Variants in PNPLA8 observed in about 807,000 individuals in gnomAD.
The protein encoded by PNPLA8 is patatin like domain 8, phospholipase A2, also known as calcium-independent phospholipase A2-gamma.
In PNPLA8, 39 loss-of-function variants were observed where a neutral mutation model predicts 76.9. That is an observed-to-expected ratio of 0.51 (90% CI 0.39 to 0.66). The LOEUF (loss-of-function observed/expected upper bound fraction) is 0.66. Among genes scored for constraint, PNPLA8 ranks in the 30% least tolerant of loss-of-function variants. PNPLA8 has a pLI of 0.00. For missense variants in PNPLA8, 887 were observed against 918.0 expected (o/e 0.97, Z 0.44); for synonymous variants, 301 against 307.9 (o/e 0.98, Z 0.24).
rs370065636 is a variant in PNPLA8 at position 108,514,231 on chromosome 7, T to C, written c.1119A>G (p.Thr373=). Residue 373 remains threonine (T), a synonymous_variant, in exon 4 of 11, where the codon ACA becomes ACG. Transcript: ENST00000257694. ...TAGTAATGCAGAGCTTTGGGTCAGT[T>C]GTTCTTCTTAATGCCTGAACTAATG... ...TRALVQALRR[T]TDPKLCITRV... is the part of the protein sequence containing the mutation. 2.4e-5 allele frequency: 39 copies of C among 1,610,528 alleles called. No homozygotes were observed. The highest frequency in any genetic ancestry group is 3.2e-5 in the Non-Finnish European group (38 of 1,176,818).
At chr7:108,474,568 C>T (rs1158521611) in intron 10 of PNPLA8, among the ~76,000 whole-genome samples, 1 of 152,150 alleles carries the variant, frequency 6.6e-6, no homozygotes, top group Non-Finnish European at 1.5e-5. Flanking sequence ...TGTATTTCTG[C>T]ATATTAGCCA....
chr7:108,501,601 T>C (rs1383889794), intron 5 of PNPLA8, among the ~76,000 whole-genome samples: 2 of 152,120 alleles, frequency 1.3e-5, no homozygotes, highest in African/African-American at 4.8e-5. Flanking sequence ...GGCAGGTGGT[T>C]TACCTGAGGT....
chr7:108,505,300 T>A (rs1403979617), intron 4 of PNPLA8, among the ~76,000 whole-genome samples: 1 of 27,584 alleles, frequency 3.6e-5, no homozygotes, highest in Non-Finnish European at 5.7e-5. Flanking sequence ...ACAAGAAAAT[T>A]TATATATATA....
intron 8 of PNPLA8, 154 bp downstream of exon 8, chr7:108,491,256 G>A (rs762585979): frequency 1.8e-6 from 1 of 552,372 alleles, no homozygotes. Flanking sequence ...ATGGTGAGCC[G>A]AGATCGTGCT....
chr7:108,519,297 G>A (rs1473073438), intron 2 of PNPLA8, among the ~76,000 whole-genome samples: 1 of 152,120 alleles, frequency 6.6e-6, no homozygotes, highest in Non-Finnish European at 1.5e-5. Flanking sequence ...CTACTCAGGA[G>A]GCTGAGGTGG....
At chr7:108,488,300 C>T (rs1482768289) in intron 8 of PNPLA8, among the ~76,000 whole-genome samples, 1 of 152,222 alleles carries the variant, frequency 6.6e-6, no homozygotes, top group African/African-American at 2.4e-5. Flanking sequence ...TGCTTAAAGG[C>T]TGGGCACAGT....
chr7:108,496,582 A>G lies in PNPLA8; in HGVS notation c.1625+2T>C. 3 of 1,582,758 alleles carry G rather than the reference A, an allele frequency of 1.9e-6. No homozygotes were observed. The highest frequency in any genetic ancestry group is 2.6e-6 in the Non-Finnish European group (3 of 1,163,868). ...GATTTAAAAAGAGTAATTGTAACTTACTTAAGAATGTTTTCCCATGTTTGA... is the reference window on the plus strand; with the variant it reads ...GATTTAAAAAGAGTAATTGTAACTTGCTTAAGAATGTTTTCCCATGTTTGA... On this transcript the variant is annotated splice_donor_variant, in intron 7 of 10. Coordinates refer to ENST00000257694, the MANE Select transcript of PNPLA8 (RefSeq NM_001256007.3). LOFTEE classifies it high-confidence loss of function.
intron 10 of PNPLA8, among the ~76,000 whole-genome samples, chr7:108,476,362 T>A (rs1225201708): frequency 6.6e-6 from 1 of 152,152 alleles, no homozygotes; most frequent in African/African-American, 2.4e-5. Flanking sequence ...CTAAAGCCAC[T>A]TGTCTCAGCA....
chr7:108,521,731 G>A (rs992994911), intron 1 of PNPLA8, among the ~76,000 whole-genome samples: 1 of 152,072 alleles, frequency 6.6e-6, no homozygotes, highest in African/African-American at 2.4e-5. Flanking sequence ...TCTAGTCAGA[G>A]AGAAAAAACA....
chr7:108,475,447 C>A (rs1859920623), intron 10 of PNPLA8, among the ~76,000 whole-genome samples: 1 of 152,060 alleles, frequency 6.6e-6, no homozygotes, highest in Non-Finnish European at 1.5e-5. Context: ...GCTTGTTAAT[C>A]TCTATCCCTC....
At chr7:108,521,954 A>T (rs1032785397) in intron 1 of PNPLA8, among the ~76,000 whole-genome samples, 1 of 152,130 alleles carries the variant, frequency 6.6e-6, no homozygotes, top group Non-Finnish European at 1.5e-5. Context: ...GATGTGCCTC[A>T]TTATACCCCT....
rs1353617764 is a variant in PNPLA8 at position 108,504,859 on chromosome 7, CTG to C, written c.1207-2219_1207-2218del. On this transcript the variant is annotated intron_variant, in intron 4 of 10. Transcript: ENST00000257694. ...TGGGAAGCCGAGGTGGGTGGATCAC[CTG>C]AGGTTGGGAGTTCGAGACCAGCCTG... 9.6e-3 allele frequency among the ~76,000 whole-genome samples: 1,461 copies of C among 152,118 alleles called. 29 individuals are homozygous for C. The highest frequency in any genetic ancestry group is 0.034 in the African/African-American group (1,393 of 41,502).
chr7:108,502,884 G>A (rs1273335170), intron 4 of PNPLA8: 2 of 297,828 alleles, frequency 6.7e-6, no homozygotes, highest in Admixed American at 5.0e-5. Context: ...ATTAAAAGAT[G>A]TAATACTTAA....
chr7:108,515,276 G>GT lies in PNPLA8; in HGVS notation c.215dup (p.Tyr72Ter). The GT allele has an allele frequency of 6.2e-7, 1 of 1,608,174 alleles. No individual in the cohort carries two copies. Among genetic ancestry groups the GT allele is most frequent in the Non-Finnish European group, 8.5e-7 (1 of 1,177,136 alleles). The change falls in exon 3 of 11, where the codon TAC (tyrosine) becomes TAAC (stop). Residue 72 changes from tyrosine (Y) to a stop codon, truncating the protein, a stop_gained and frameshift_variant. Transcript: ENST00000257694. LOFTEE classifies it high-confidence loss of function. ...SEAHSCSKHC[Y>*]SPSNHGLHIG... ...TATGTAAACCATGGTTGCTTGGAGA[G>GT]TAACAGTGCTTACTGCAAGAATGTG...
chr7:108,527,573 G>T (rs963342030), upstream of PNPLA8: 1 of 152,164 alleles, frequency 6.6e-6, no homozygotes, highest in Non-Finnish European at 1.5e-5. Context: ...ATCACCATGG[G>T]GGAGAGAGAT....
intron 4 of PNPLA8, chr7:108,510,572 C>T (rs878913124): frequency 2.7e-5 from 40 of 1,476,752 alleles, no homozygotes; most frequent in African/African-American, 1.8e-4. Flanking sequence ...TCTTCGCCTT[C>T]GTCAAATCTA....
intron 2 of PNPLA8, among the ~76,000 whole-genome samples, chr7:108,515,926 T>A (rs1226777208): frequency 6.6e-6 from 1 of 152,246 alleles, no homozygotes; most frequent in Non-Finnish European, 1.5e-5. Flanking sequence ...GACTACTTTA[T>A]GTGACACTAG....
At chr7:108,476,433 T>G (rs569101960) in intron 10 of PNPLA8, among the ~76,000 whole-genome samples, 6 of 152,144 alleles carry the variant, frequency 3.9e-5, no homozygotes, top group Non-Finnish European at 8.8e-5. Flanking sequence ...AAAACCACAA[T>G]GAGATCCCAC....
chr7:108,506,547 A>T (rs1385993889), intron 4 of PNPLA8, among the ~76,000 whole-genome samples: 1 of 152,218 alleles, frequency 6.6e-6, no homozygotes, highest in Non-Finnish European at 1.5e-5. Flanking sequence ...TCTTAGGTAT[A>T]TACTCCAAAG....
Sources: gnomAD v4.1 joint callset for allele counts (sites outside exome capture counted in the v4.1 genomes callset) on GRCh38, gnomAD v4.1.1 for gene constraint, MANE v1.5 for transcripts, NCBI Gene and HGNC (gene_info 2026-07-23, HGNC 2026-07-21) for gene names.